ARMH3: variants seen among roughly 807,000 people sequenced by gnomAD.
ARMH3 encodes the protein armadillo-like helical domain-containing protein 3.
In ARMH3, 60 loss-of-function variants were observed where a neutral mutation model predicts 99.1. The ratio of observed to expected loss-of-function variants is 0.61; its 90% CI spans 0.49 to 0.75. ARMH3 has a LOEUF of 0.75. Ranked by LOEUF, ARMH3 falls within the 30% of genes least tolerant of loss-of-function variation. ARMH3 has a pLI of 0.00. For missense variants in ARMH3, 679 were observed against 843.1 expected (o/e 0.81, Z 2.41); for synonymous variants, 285 against 292.8 (o/e 0.97, Z 0.27).
At chr10:102,027,262 G>C (rs933334152) in intron 5 of ARMH3, among the ~76,000 whole-genome samples, 10 of 142,642 alleles carry the variant, frequency 7.0e-5, no homozygotes, top group Non-Finnish European at 1.3e-4. Flanking sequence ...CTAGGTGACA[G>C]AGTGAGATTC....
At chr10:101,997,242 T>C (rs1847102852) in intron 15 of ARMH3, among the ~76,000 whole-genome samples, 1 of 151,374 alleles carries the variant, frequency 6.6e-6, no homozygotes, top group Admixed American at 6.6e-5. Flanking sequence ...CACTCCAGCC[T>C]GGGTGACAGA....
intron 1 of ARMH3, among the ~76,000 whole-genome samples, chr10:102,054,803 C>T: frequency 6.6e-6 from 1 of 152,032 alleles, no homozygotes; most frequent in East Asian, 1.9e-4. Context: ...TGAGACCAGC[C>T]TGGCCAACAT....
chr10:101,965,842 C>T (rs568474994), intron 20 of ARMH3, among the ~76,000 whole-genome samples: 69 of 152,292 alleles, frequency 4.5e-4, no homozygotes, highest in Non-Finnish European at 4.1e-4. Flanking sequence ...TGACTCTGTA[C>T]TAGAGGCAAC....
chr10:101,962,780 T>C (rs1845353170), intron 20 of ARMH3, among the ~76,000 whole-genome samples: 1 of 152,156 alleles, frequency 6.6e-6, no homozygotes. Flanking sequence ...CTGAGGTCTA[T>C]GAAACTGTAT....
intron 20 of ARMH3, among the ~76,000 whole-genome samples, chr10:101,970,667 A>G (rs1248459447): frequency 6.6e-6 from 1 of 151,946 alleles, no homozygotes; most frequent in Non-Finnish European, 1.5e-5. Context: ...AAAAAAAAAA[A>G]TACAAAAATA....
chr10:101,860,287 A>G (rs1007088367), intron 24 of ARMH3, among the ~76,000 whole-genome samples: 14 of 152,178 alleles, frequency 9.2e-5, no homozygotes, highest in African/African-American at 3.4e-4. Context: ...AATAGTTAAT[A>G]TAAGGGAAGG....
chr10:101,928,123 G>A (rs1320813660), intron 23 of ARMH3, among the ~76,000 whole-genome samples: 1 of 152,090 alleles, frequency 6.6e-6, no homozygotes, highest in Non-Finnish European at 1.5e-5. Context: ...CCAACAAAAA[G>A]GAATGTTTAA....
At chr10:101,950,678 A>G (rs998737706) in intron 22 of ARMH3, among the ~76,000 whole-genome samples, 3 of 152,264 alleles carry the variant, frequency 2.0e-5, no homozygotes, top group Non-Finnish European at 2.9e-5. Flanking sequence ...AAAAGATTCA[A>G]AATAAAAGAA....
intron 8 of ARMH3, among the ~76,000 whole-genome samples, chr10:102,015,605 G>C (rs2066730809): frequency 6.6e-6 from 1 of 151,996 alleles, no homozygotes; most frequent in Non-Finnish European, 1.5e-5. Context: ...GGTCAGGCTG[G>C]TCTCAAACTC....
At chr10:101,960,263 G>C (rs1369085517) in intron 20 of ARMH3, among the ~76,000 whole-genome samples, 2 of 152,104 alleles carry the variant, frequency 1.3e-5, no homozygotes, top group African/African-American at 4.8e-5. Context: ...TCTTCTTCAA[G>C]AGAGAATGTC....
rs552929669 is a variant in ARMH3, at chr10:101,957,610, A to G, written c.1578+40T>C. The G allele has an allele frequency of 1.3e-5, 21 of 1,572,814 alleles. No individual in the cohort carries two copies. The East Asian group carries it at 3.9e-4, about 29-fold the overall frequency. ...CAAACCAGTGCATTTCTGCCTTAGC[A>G]TATGGCTTCAGAAAAAGAAGTATTT... On this transcript the variant is annotated intron_variant, in intron 21 of 25. Transcript: ENST00000370033.
intron 14 of ARMH3, among the ~76,000 whole-genome samples, chr10:102,004,294 C>A (rs1028799627): frequency 5.9e-5 from 9 of 152,036 alleles, no homozygotes; most frequent in Non-Finnish European, 1.3e-4. Flanking sequence ...TACTTAGGAA[C>A]CCTACAGAAG....
intron 24 of ARMH3, among the ~76,000 whole-genome samples, chr10:101,870,646 C>T (rs1412497626): frequency 1.3e-5 from 2 of 152,140 alleles, no homozygotes; most frequent in Non-Finnish European, 2.9e-5. Context: ...ACTGATTATG[C>T]TACTAAACAT....
chr10:101,921,759 T>C (rs1843314620), intron 23 of ARMH3, among the ~76,000 whole-genome samples: 1 of 152,170 alleles, frequency 6.6e-6, no homozygotes. Context: ...ATGTTCTCAC[T>C]CATAGGTAGT....
At chr10:101,970,785 G>A (rs751744205) in intron 20 of ARMH3, among the ~76,000 whole-genome samples, 15 of 151,926 alleles carry the variant, frequency 9.9e-5, no homozygotes, top group African/African-American at 1.4e-4. Flanking sequence ...TGATTGTGCC[G>A]CTGCACTCCA....
intron 23 of ARMH3, among the ~76,000 whole-genome samples, chr10:101,937,592 C>T (rs901483890): frequency 6.6e-6 from 1 of 151,622 alleles, no homozygotes; most frequent in African/African-American, 2.4e-5. Context: ...AAATATGGGG[C>T]CTTCCACAAT....
chr10:102,041,222 G>A (rs11191191), intron 1 of ARMH3, among the ~76,000 whole-genome samples: 19,242 of 150,416 alleles, frequency 0.13, 1,577 homozygotes, highest in Non-Finnish European at 0.18. Flanking sequence ...CGGAATTCTC[G>A]ATTTTTTTTT....
chr10:101,944,771 A>G (rs1844445195), intron 22 of ARMH3, among the ~76,000 whole-genome samples: 1 of 152,046 alleles, frequency 6.6e-6, no homozygotes, highest in Non-Finnish European at 1.5e-5. Flanking sequence ...CCCAGATGGC[A>G]CTACTATGCT....
At chr10:102,006,331 T>G (rs2066486632) in intron 14 of ARMH3, among the ~76,000 whole-genome samples, 1 of 152,240 alleles carries the variant, frequency 6.6e-6, no homozygotes, top group South Asian at 2.1e-4. Context: ...AAGCTAGAGT[T>G]ATGTAAGCTT....
Sources: allele counts gnomAD v4.1 joint callset (sites outside exome capture counted in the v4.1 genomes callset), GRCh38; gene constraint gnomAD v4.1.1; transcripts MANE v1.5; gene names NCBI Gene and HGNC (gene_info 2026-07-23, HGNC 2026-07-21).